LINGO2: variants seen among roughly 807,000 people sequenced by gnomAD.
The protein encoded by LINGO2 is leucine rich repeat and Ig domain containing 2.
Under a neutral mutation model 30.6 loss-of-function variants are expected in LINGO2, and 14 were observed. That is an observed-to-expected ratio of 0.46 (90% CI 0.30 to 0.72). The LOEUF is 0.72. Among genes scored for constraint, LINGO2 ranks in the 30% least tolerant of loss-of-function variants. The probability of loss-of-function intolerance (pLI) is 0.07; values close to 1 mark genes in which losing one functional copy is unlikely to be tolerated. For missense variants in LINGO2, 729 were observed against 751.7 expected, an observed-to-expected ratio of 0.97 and a Z score of 0.35; for synonymous variants, 317 against 288.5, an observed-to-expected ratio of 1.10 and a Z score of -1.00.
At chr9:28,737,170 G>A in the LINGO2 span, among the ~76,000 whole-genome samples, 1 of 152,106 alleles carries the variant, frequency 6.6e-6, no homozygotes, top group Admixed American at 6.6e-5. Flanking sequence ...AATAGAAAAG[G>A]TCATAAACAG....
the LINGO2 span, among the ~76,000 whole-genome samples, chr9:28,818,954 T>G: frequency 4.6e-4 from 70 of 152,294 alleles, no homozygotes; most frequent in African/African-American, 1.7e-3. Context: ...TCTTTAACCA[T>G]TCACAATAAG....
chr9:28,350,653 A>ATCTGTAGATG (rs1819831093), intron 3 of LINGO2, among the ~76,000 whole-genome samples: 1 of 151,802 alleles, frequency 6.6e-6, no homozygotes, highest in African/African-American at 2.4e-5. Context: ...AGCGGACCTA[A>ATCTGTAGATG]TAGGCATCTA....
At chr9:28,051,488 A>G (rs556532436) in intron 4 of LINGO2, among the ~76,000 whole-genome samples, 9 of 151,862 alleles carry the variant, frequency 5.9e-5, no homozygotes, top group Admixed American at 4.6e-4. Flanking sequence ...TATTTTGCAT[A>G]TATTTATCCA....
intron 4 of LINGO2, among the ~76,000 whole-genome samples, chr9:28,206,011 A>G (rs544710088): frequency 6.6e-6 from 1 of 152,118 alleles, no homozygotes; most frequent in African/African-American, 2.4e-5. Context: ...CTAAAAATAC[A>G]AAGACTAGCC....
the LINGO2 span, among the ~76,000 whole-genome samples, chr9:29,045,620 C>G: frequency 3.3e-5 from 5 of 150,342 alleles, no homozygotes; most frequent in Non-Finnish European, 5.9e-5. Flanking sequence ...GGGATAGGCT[C>G]TTTGGGTTCT....
chr9:28,730,242 G>A, the LINGO2 span, among the ~76,000 whole-genome samples: 1 of 152,120 alleles, frequency 6.6e-6, no homozygotes, highest in South Asian at 2.1e-4. Context: ...ACTAGGAAAA[G>A]AGAGACTAGG....
the LINGO2 span, among the ~76,000 whole-genome samples, chr9:29,151,401 C>A: frequency 1.3e-5 from 2 of 152,096 alleles, no homozygotes; most frequent in Non-Finnish European, 2.9e-5. Context: ...GCTATTATAT[C>A]AATACTAAAA....
the LINGO2 span, among the ~76,000 whole-genome samples, chr9:28,944,705 C>T: frequency 1.3e-5 from 2 of 152,038 alleles, no homozygotes; most frequent in Non-Finnish European, 2.9e-5. Context: ...CACACCTGGC[C>T]GCTTTTGTTC....
At chr9:28,083,114 A>G (rs1331284880) in intron 4 of LINGO2, among the ~76,000 whole-genome samples, 2 of 152,178 alleles carry the variant, frequency 1.3e-5, no homozygotes, top group African/African-American at 4.8e-5. Context: ...GAGTAGAATT[A>G]TATGCTGAGA....
chr9:28,200,493 T>G (rs1820189393), intron 4 of LINGO2, among the ~76,000 whole-genome samples: 1 of 150,972 alleles, frequency 6.6e-6, no homozygotes, highest in South Asian at 2.1e-4. Context: ...GCAGGTATAG[T>G]TCTCTTAAGG....
intron 2 of LINGO2, among the ~76,000 whole-genome samples, chr9:28,449,914 G>A (rs1824582952): frequency 6.6e-6 from 1 of 151,952 alleles, no homozygotes; most frequent in Non-Finnish European, 1.5e-5. Flanking sequence ...GTTGACTATA[G>A]CCAAATCTCA....
chr9:28,222,879 T>C (rs1310007584), intron 4 of LINGO2, among the ~76,000 whole-genome samples: 1 of 152,092 alleles, frequency 6.6e-6, no homozygotes, highest in Non-Finnish European at 1.5e-5. Flanking sequence ...TAGCATTCAC[T>C]GGGGAGAGAT....
At chr9:29,048,461 GA>G in the LINGO2 span, among the ~76,000 whole-genome samples, 60,289 of 151,172 alleles carry the variant, frequency 0.4, 12,188 homozygotes, top group East Asian at 0.54. Context: ...CACAGAAATA[GA>G]AAAAAAAATC....
the LINGO2 span, among the ~76,000 whole-genome samples, chr9:28,999,735 T>C: frequency 1.7e-4 from 26 of 151,968 alleles, no homozygotes; most frequent in Non-Finnish European, 3.2e-4. Context: ...TAGGGATAAT[T>C]TTACCGGTGA....
At chr9:29,023,660 T>A in the LINGO2 span, among the ~76,000 whole-genome samples, 1 of 152,102 alleles carries the variant, frequency 6.6e-6, no homozygotes, top group African/African-American at 2.4e-5. Context: ...ATCCAATAAA[T>A]GAATAACTAC....
Position 28,320,877 on chromosome 9 carries a change from C to T in LINGO2, c.-245-25511G>A, listed in dbSNP as rs138478898. Among the ~76,000 whole-genome samples, 443 of 152,172 alleles carry T rather than the reference C, an allele frequency of 2.9e-3. 3 individuals carry two copies. The highest frequency in any genetic ancestry group is 4.9e-3 in the Non-Finnish European group (332 of 67,994). ...TTTATCATGGCAGGACACTGAAACT[C>T]GGGGAGCACTTTTAGCTAGCTTCAA... is the stretch of plus-strand genomic sequence containing the variant. On this transcript the variant is annotated intron_variant, in intron 3 of 5. Coordinates refer to ENST00000379992, the Ensembl canonical transcript of LINGO2.
Position 28,496,412 on chromosome 9 carries a change from T to C in LINGO2, c.-364-20387A>G, listed in dbSNP as rs574758145. On this transcript the variant is annotated intron_variant, in intron 1 of 5. Coordinates refer to ENST00000379992, the Ensembl canonical transcript of LINGO2. ...TTGAATTGATCCCTTTACCATTATG[T>C]AATGGCCTTCTTTGTCTCTTTTGAT... Among the ~76,000 whole-genome samples the C allele has an allele frequency of 2.7e-4, 41 of 151,788 alleles. No homozygotes were observed. The South Asian group carries it at 5.2e-3, about 19-fold the overall frequency.
At chr9:28,612,125 A>G (rs1427607991) in intron 1 of LINGO2, among the ~76,000 whole-genome samples, 7 of 152,090 alleles carry the variant, frequency 4.6e-5, no homozygotes, top group Admixed American at 4.6e-4. Context: ...GCAATGGGGC[A>G]ATCATAGCTC....
At chr9:28,550,720 G>T (rs2135500407) in intron 1 of LINGO2, among the ~76,000 whole-genome samples, 1 of 151,750 alleles carries the variant, frequency 6.6e-6, no homozygotes, top group East Asian at 1.9e-4. Context: ...TCATAAAATA[G>T]AATAGTAAAC....
Sources: gnomAD v4.1 joint callset for allele counts (sites outside exome capture counted in the v4.1 genomes callset) on GRCh38, gnomAD v4.1.1 for gene constraint, MANE v1.5 for transcripts, NCBI Gene and HGNC (gene_info 2026-07-23, HGNC 2026-07-21) for gene names.